EXOSC7: variants seen among roughly 807,000 people sequenced by gnomAD.
The protein encoded by EXOSC7 is exosome complex component RRP42.
Under a neutral mutation model 34.3 loss-of-function variants are expected in EXOSC7, and 25 were observed. That is an observed-to-expected ratio of 0.73 (90% CI 0.53 to 1.02). EXOSC7 has a LOEUF of 1.02. Ranked by LOEUF, EXOSC7 falls within the 50% of genes least tolerant of loss-of-function variation. EXOSC7 has a pLI of 0.00. For synonymous variants in EXOSC7, 130 were observed against 143.0 expected (o/e 0.91, Z 0.65); for missense variants, 370 against 368.5 (o/e 1.00, Z -0.03).
At chr3:45,005,461 C>T (rs773864424) in intron 6 of EXOSC7, 47 bp downstream of exon 6, 2 of 1,595,560 alleles carry the variant, frequency 1.3e-6, no homozygotes, top group East Asian at 4.5e-5. Context: ...GGGTGTGGGT[C>T]TCCTCTAATC....
At chr3:44,981,836 A>G (rs1706277172) in intron 1 of EXOSC7, among the ~76,000 whole-genome samples, 1 of 152,144 alleles carries the variant, frequency 6.6e-6, no homozygotes, top group Non-Finnish European at 1.5e-5. Context: ...TGAGCCCAGG[A>G]GTTGGAGATT....
At chr3:44,995,814 T>C (rs1706706194) in intron 3 of EXOSC7, among the ~76,000 whole-genome samples, 1 of 152,210 alleles carries the variant, frequency 6.6e-6, no homozygotes, top group Non-Finnish European at 1.5e-5. Flanking sequence ...AATTTGGGAT[T>C]CATTCTTCCA....
intron 3 of EXOSC7, among the ~76,000 whole-genome samples, chr3:44,996,674 C>A (rs1453212067): frequency 6.6e-6 from 1 of 152,208 alleles, no homozygotes; most frequent in Admixed American, 6.5e-5. Flanking sequence ...GTGTATATGA[C>A]AAAACCCCTC....
intron 1 of EXOSC7, among the ~76,000 whole-genome samples, chr3:44,977,662 T>C (rs1173408440): frequency 1.3e-5 from 2 of 152,254 alleles, no homozygotes; most frequent in Non-Finnish European, 2.9e-5. Flanking sequence ...TAGATATGTC[T>C]TTCCCTGCTA....
intron 1 of EXOSC7, among the ~76,000 whole-genome samples, chr3:44,987,539 G>A (rs1039892461): frequency 1.4e-4 from 21 of 152,222 alleles, no homozygotes; most frequent in Non-Finnish European, 8.8e-5. Context: ...CTGCACTCCA[G>A]CCTGGGCGAC....
In EXOSC7 at chr3:44,976,334, G is replaced by A; in HGVS notation, c.57G>A (p.Gln19=). Residue 19 remains glutamine (Q), a splice_region_variant and synonymous_variant, in exon 1 of 8, where the codon CAG becomes CAA. Transcript: ENST00000265564. ...AGGTGTACATCGTGCATGGCGTCCAGGTAGCTACAGCAGCGGCGTTGGGTC... is the reference window on the plus strand; with the variant it reads ...AGGTGTACATCGTGCATGGCGTCCAAGTAGCTACAGCAGCGGCGTTGGGTC... The part of the protein sequence containing the change: ...AEKVYIVHGV[Q]EDLRVDGRGC... 6.4e-7 allele frequency: 1 copy of A among 1,571,018 alleles called. No homozygotes were observed. Among genetic ancestry groups the A allele is most frequent in the Non-Finnish European group, 8.6e-7 (1 of 1,164,224 alleles).
downstream of EXOSC7, among the ~76,000 whole-genome samples, chr3:45,011,997 G>A (rs1417734052): frequency 6.6e-6 from 1 of 152,222 alleles, no homozygotes; most frequent in Non-Finnish European, 1.5e-5. Flanking sequence ...TGTTTTGTCA[G>A]CATTAAGAAG....
chr3:45,005,447 C>CTGTGGG, intron 6 of EXOSC7, 33 bp downstream of exon 6: 1 of 1,608,196 alleles, frequency 6.2e-7, no homozygotes, highest in Non-Finnish European at 8.5e-7. Flanking sequence ...TTTGTCTTCC[C>CTGTGGG]TGTGGGTGTG....
At chr3:44,981,396 TATG>T in intron 1 of EXOSC7, among the ~76,000 whole-genome samples, 1 of 152,272 alleles carries the variant, frequency 6.6e-6, no homozygotes, top group South Asian at 2.1e-4. Context: ...AGAATGGGGT[TATG>T]AGGAATGATG....
In EXOSC7 at chr3:45,007,549, C is replaced by G; in HGVS notation, c.745C>G (p.Pro249Ala). The G allele has an allele frequency of 6.2e-7, 1 of 1,611,804 alleles. No individual in the cohort carries two copies. The highest frequency in any genetic ancestry group is 8.5e-7 in the Non-Finnish European group (1 of 1,178,806). ...MRKVGKGSLD[P>A]ESIFEMMETG... ...GAAAGTGGGGAAGGGCAGCCTGGACCCAGAGAGCATCTTCGAGATGATGGA... is the reference window on the plus strand; with the variant it reads ...GAAAGTGGGGAAGGGCAGCCTGGACGCAGAGAGCATCTTCGAGATGATGGA... The change falls in exon 7 of 8, where the codon CCA becomes GCA. Residue 249 changes from proline (P) to alanine (A), a missense_variant. Transcript: ENST00000265564.
intron 1 of EXOSC7, among the ~76,000 whole-genome samples, chr3:44,987,607 G>A (rs1046977515): frequency 5.9e-5 from 9 of 152,222 alleles, no homozygotes; most frequent in African/African-American, 1.9e-4. Context: ...TTACAAGTGA[G>A]TAATGTAACC....
Position 45,001,529 on chromosome 3 carries a change from C to T in EXOSC7, c.421-9C>T, listed in dbSNP as rs754784743. 4 of 1,608,034 alleles carry T rather than the reference C, an allele frequency of 2.5e-6. No individual in the cohort carries two copies. In the South Asian group the frequency reaches 3.3e-5, roughly 13 times the overall value. On this transcript the variant is annotated splice_polypyrimidine_tract_variant and intron_variant, in intron 4 of 7. Transcript: ENST00000265564. Reference sequence around the variant, plus strand: ...TTTTTTTTCCTTTTTCAATTCCTGTCTCCCTTAGCTTCTGGAATGTGGTGG... The same window carrying T: ...TTTTTTTTCCTTTTTCAATTCCTGTTTCCCTTAGCTTCTGGAATGTGGTGG...
chr3:44,985,999 C>T (rs1174028388), intron 1 of EXOSC7, among the ~76,000 whole-genome samples: 3 of 152,138 alleles, frequency 2.0e-5, no homozygotes, highest in Non-Finnish European at 1.5e-5. Context: ...AATCTCTTAG[C>T]TAGACATAGA....
In EXOSC7 at chr3:44,989,257, A is replaced by G. The variant is rs7631259; in HGVS notation, c.159+16A>G. ...GGTCAAGCTGGTGAGTACTGTGACC[A>G]TGGTTCAAGCCCAGGTGGAGAAATG... On this transcript the variant is annotated intron_variant, in intron 2 of 7. Coordinates refer to ENST00000265564, the MANE Select transcript of EXOSC7 (RefSeq NM_015004.4). The G allele has an allele frequency of 0.092, 146,473 of 1,586,432 alleles. 7,150 individuals carry two copies. The highest frequency in any genetic ancestry group is 0.15 in the Middle Eastern group (926 of 6,018).
intron 2 of EXOSC7, 31 bp from the exon 3 acceptor site, chr3:44,989,519 G>T (rs1350006224): frequency 1.3e-6 from 2 of 1,554,854 alleles, no homozygotes; most frequent in Non-Finnish European, 1.8e-6. Flanking sequence ...TGCATACTCT[G>T]AGTGAGGACT....
intron 1 of EXOSC7, among the ~76,000 whole-genome samples, chr3:44,986,655 CCT>C (rs1480384999): frequency 6.6e-6 from 1 of 152,240 alleles, no homozygotes; most frequent in African/African-American, 2.4e-5. Flanking sequence ...CACGCTGTCA[CCT>C]CTCAATATCT....
intron 1 of EXOSC7, chr3:44,977,382 G>A (rs1706104989): frequency 6.6e-6 from 1 of 152,212 alleles, no homozygotes; most frequent in East Asian, 1.9e-4. Flanking sequence ...GTAGCCATCG[G>A]ATTGAAGCGG....
intron 3 of EXOSC7, among the ~76,000 whole-genome samples, chr3:44,992,964 A>G (rs1706612492): frequency 6.6e-6 from 1 of 152,160 alleles, no homozygotes; most frequent in African/African-American, 2.4e-5. Flanking sequence ...TTTCAATGTG[A>G]ACACTTGTAT....
chr3:44,981,331 T>G (rs913150579), intron 1 of EXOSC7, among the ~76,000 whole-genome samples: 14 of 152,178 alleles, frequency 9.2e-5, no homozygotes, highest in Non-Finnish European at 1.6e-4. Context: ...TGGTTTTACT[T>G]GCATAACTGA....
Sources: gnomAD v4.1 joint callset for allele counts (sites outside exome capture counted in the v4.1 genomes callset) on GRCh38, gnomAD v4.1.1 for gene constraint, MANE v1.5 for transcripts, NCBI Gene and HGNC (gene_info 2026-07-23, HGNC 2026-07-21) for gene names.